Variants in RPH3A observed in about 807,000 individuals in gnomAD.
RPH3A encodes rabphilin 3A.
RPH3A carries 48 observed loss-of-function variants against 102.2 expected under a neutral mutation model. The ratio of observed to expected loss-of-function variants is 0.47; its 90% CI spans 0.37 to 0.60. The LOEUF is 0.60. RPH3A is among the 20% of genes least tolerant of loss of function. The pLI is 0.00. For missense variants in RPH3A, 781 were observed against 910.1 expected (o/e 0.86, Z 1.83); for synonymous variants, 310 against 324.3 (o/e 0.96, Z 0.47).
chr12:112,835,311 G>A (rs2042030502), intron 3 of RPH3A, among the ~76,000 whole-genome samples: 1 of 152,174 alleles, frequency 6.6e-6, no homozygotes, highest in African/African-American at 2.4e-5. Flanking sequence ...GCCAAAAAGT[G>A]TGTCTCTGTA....
intron 1 of RPH3A, among the ~76,000 whole-genome samples, chr12:112,659,444 A>G (rs919601448): frequency 6.6e-6 from 1 of 152,132 alleles, no homozygotes; most frequent in Non-Finnish European, 1.5e-5. Context: ...CTGATGATTA[A>G]ATTCAGGTTG....
chr12:112,768,940 CA>C (rs1279392047), intron 1 of RPH3A, among the ~76,000 whole-genome samples: 2 of 151,896 alleles, frequency 1.3e-5, no homozygotes, highest in Non-Finnish European at 2.9e-5. Flanking sequence ...ATATGAAAAA[CA>C]AAAAAACCTT....
At chr12:112,733,578 C>T (rs1338789487) in intron 1 of RPH3A, among the ~76,000 whole-genome samples, 5 of 152,112 alleles carry the variant, frequency 3.3e-5, no homozygotes, top group African/African-American at 4.8e-5. Flanking sequence ...TCAGAAGTGA[C>T]GAGGCCTTAG....
intron 10 of RPH3A, 98 bp from the exon 11 acceptor site, chr12:112,874,986 A>G (rs931859957): frequency 3.1e-6 from 3 of 972,616 alleles, no homozygotes; most frequent in Middle Eastern, 2.2e-4. Context: ...TGAAAGTCCA[A>G]GGGGCTCACC....
At position 112,728,860 on chromosome 12, in the gene RPH3A, G is replaced by A. The variant is rs145998141; in HGVS notation, c.-139-63283G>A. 4.0e-3 allele frequency among the ~76,000 whole-genome samples: 606 copies of A among 152,232 alleles called. 3 individuals carry two copies. Among genetic ancestry groups the A allele is most frequent in the African/African-American group, 0.014 (573 of 41,530 alleles). On this transcript the variant is annotated intron_variant, in intron 1 of 21. Coordinates refer to the RPH3A transcript ENST00000543106. ...ATACCATTTCTCTAATGAAAGTTTGGGATACTAGAAGCAAGGGGAGAAATA... is the reference window on the plus strand; with the variant it reads ...ATACCATTTCTCTAATGAAAGTTTGAGATACTAGAAGCAAGGGGAGAAATA...
At chr12:112,894,863 A>T (rs1407781580) in intron 20 of RPH3A, among the ~76,000 whole-genome samples, 2 of 152,190 alleles carry the variant, frequency 1.3e-5, no homozygotes, top group Non-Finnish European at 2.9e-5. Flanking sequence ...AAAGGAAGTG[A>T]CAATACTGTA....
At chr12:112,706,141 C>T (rs1424789194) in intron 1 of RPH3A, among the ~76,000 whole-genome samples, 1 of 152,220 alleles carries the variant, frequency 6.6e-6, no homozygotes, top group African/African-American at 2.4e-5. Context: ...CCCATATCCC[C>T]TTGGCACTAA....
At chr12:112,836,579 C>A in intron 4 of RPH3A, 77 bp downstream of exon 4, 1 of 689,516 alleles carries the variant, frequency 1.5e-6, no homozygotes, top group Non-Finnish European at 2.2e-6. Flanking sequence ...AGGTGGCTTT[C>A]CCCTAAAGAG....
intron 1 of RPH3A, among the ~76,000 whole-genome samples, chr12:112,602,048 G>A (rs1332385194): frequency 2.6e-5 from 4 of 152,194 alleles, no homozygotes; most frequent in Non-Finnish European, 5.9e-5. Flanking sequence ...GGCAGAGGTG[G>A]GTATTGCTGA....
intron 1 of RPH3A, among the ~76,000 whole-genome samples, chr12:112,599,596 A>G (rs1352242425): frequency 6.6e-6 from 1 of 152,198 alleles, no homozygotes; most frequent in African/African-American, 2.4e-5. Flanking sequence ...TAAATGGGTT[A>G]GTTATAGCTT....
intron 1 of RPH3A, among the ~76,000 whole-genome samples, chr12:112,739,705 T>C (rs372886715): frequency 6.0e-4 from 91 of 152,340 alleles, no homozygotes; most frequent in African/African-American, 2.1e-3. Flanking sequence ...TCTTTTCTGA[T>C]TACAGGGGCC....
chr12:112,708,324 G>A (rs1565854855), intron 1 of RPH3A, among the ~76,000 whole-genome samples: 1 of 152,162 alleles, frequency 6.6e-6, no homozygotes, highest in African/African-American at 2.4e-5. Context: ...AGGACCAGGA[G>A]GGGAAAAGGG....
intron 1 of RPH3A, among the ~76,000 whole-genome samples, chr12:112,658,703 C>T (rs1464742039): frequency 6.6e-6 from 1 of 152,146 alleles, no homozygotes; most frequent in Non-Finnish European, 1.5e-5. Context: ...GATCGTATGG[C>T]TTGTTTGTCT....
chr12:112,691,304 G>T lies in RPH3A; in HGVS notation c.-139-100839G>T, dbSNP rs193246635. Among the ~76,000 whole-genome samples, 271 of 152,234 alleles carry T rather than the reference G, an allele frequency of 1.8e-3. 2 individuals are homozygous for T. Among genetic ancestry groups the T allele is most frequent in the African/African-American group, 5.9e-3 (246 of 41,536 alleles). On this transcript the variant is annotated intron_variant, in intron 1 of 21. Transcript: ENST00000543106. ...TGGGATTACAGGCGTGAGCCACCGCGCCCAGCCTTGACCATCTTTCAGTGT... is the reference window on the plus strand; with the variant it reads ...TGGGATTACAGGCGTGAGCCACCGCTCCCAGCCTTGACCATCTTTCAGTGT...
intron 1 of RPH3A, among the ~76,000 whole-genome samples, chr12:112,687,173 G>A (rs1315084332): frequency 2.6e-5 from 4 of 152,144 alleles, no homozygotes; most frequent in East Asian, 3.8e-4. Context: ...GAAACAAATA[G>A]GGTTTACTAT....
At chr12:112,658,814 G>A (rs1449149651) in intron 1 of RPH3A, among the ~76,000 whole-genome samples, 1 of 152,184 alleles carries the variant, frequency 6.6e-6, no homozygotes, top group Admixed American at 6.5e-5. Context: ...ATAGGTAATG[G>A]TTCCTGTTGG....
At chr12:112,894,702 G>C in intron 20 of RPH3A, 43 bp downstream of exon 20, 1 of 1,567,292 alleles carries the variant, frequency 6.4e-7, no homozygotes, top group Non-Finnish European at 8.7e-7. Flanking sequence ...GATATTTGCT[G>C]TGTGTTAGAG....
intron 13 of RPH3A, 48 bp downstream of exon 13, chr12:112,876,914 G>C (rs1308627780): frequency 6.9e-6 from 10 of 1,443,504 alleles, no homozygotes; most frequent in Non-Finnish European, 9.4e-6. Context: ...CACTTCAGGA[G>C]CCAAGCCCAG....
In RPH3A at chr12:112,898,335, T is replaced by G. The variant is rs1391030594; in HGVS notation, c.*1555T>G. ...TTCGATTTTCCCAATTTTGATGAAGTCTTCCCTCATGAAAATCACTCCCAG... is the reference window on the plus strand; with the variant it reads ...TTCGATTTTCCCAATTTTGATGAAGGCTTCCCTCATGAAAATCACTCCCAG... On this transcript the variant is annotated 3_prime_UTR_variant, in exon 22 of 22. Transcript: ENST00000389385. The G allele has an allele frequency of 6.6e-6, 1 of 152,170 alleles. No homozygotes were observed. The highest frequency in any genetic ancestry group is 1.5e-5 in the Non-Finnish European group (1 of 68,030). The allele number at this position is 152,170 out of a possible 1,614,324, so 9.4% of individuals were successfully genotyped here. A position where few individuals can be genotyped will look rare whatever the true frequency, so the allele number is the denominator to read the frequency against.
Sources: allele counts gnomAD v4.1 joint callset (sites outside exome capture counted in the v4.1 genomes callset), GRCh38; gene constraint gnomAD v4.1.1; transcripts MANE v1.5; gene names NCBI Gene and HGNC (gene_info 2026-07-23, HGNC 2026-07-21).